The following PVT1 variants were observed in gnomAD, a reference collection of about 807,000 sequenced individuals.
PVT1 encodes Pvt1 oncogene, also known as CXCR4/PVT1 fusion.
chr8:128,016,626 A>G (rs919262372), intron 4 of PVT1, among the ~76,000 whole-genome samples: 47 of 152,176 alleles, frequency 3.1e-4, no homozygotes, highest in Non-Finnish European at 1.2e-4. Flanking sequence ...TTTTGTTTTC[A>G]CTACAAAGGA....
intron 3 of PVT1, among the ~76,000 whole-genome samples, chr8:127,954,529 G>A (rs1405669936): frequency 6.6e-6 from 1 of 152,106 alleles, no homozygotes; most frequent in Non-Finnish European, 1.5e-5. Context: ...TCTTGACCTT[G>A]TGATCCACCC....
chr8:127,813,566 C>T (rs1250230916), intron 2 of PVT1, among the ~76,000 whole-genome samples: 3 of 152,104 alleles, frequency 2.0e-5, no homozygotes, highest in Admixed American at 1.3e-4. Flanking sequence ...TTGTCTCCTC[C>T]CACTCTAATA....
chr8:127,957,873 G>A (rs1000401625), intron 3 of PVT1, among the ~76,000 whole-genome samples: 1 of 152,254 alleles, frequency 6.6e-6, no homozygotes, highest in South Asian at 2.1e-4. Context: ...CAGCTTCCCT[G>A]CCGTGCCTCG....
intron 3 of PVT1, among the ~76,000 whole-genome samples, chr8:127,933,025 T>TTA (rs1816228837): frequency 6.6e-6 from 1 of 152,336 alleles, no homozygotes; most frequent in South Asian, 2.1e-4. Context: ...AAAGGGCATA[T>TTA]TATTGCCCTT....
chr8:127,875,836 G>T (rs992441567), intron 2 of PVT1, among the ~76,000 whole-genome samples: 3 of 152,250 alleles, frequency 2.0e-5, no homozygotes, highest in African/African-American at 7.2e-5. Flanking sequence ...ATGGAGCTCA[G>T]TAAGGGCAGG....
intron 3 of PVT1, among the ~76,000 whole-genome samples, chr8:127,942,464 A>G (rs1010828233): frequency 6.6e-6 from 1 of 152,248 alleles, no homozygotes; most frequent in African/African-American, 2.4e-5. Flanking sequence ...TTACATCTTC[A>G]TGCATTGAAA....
At chr8:128,000,570 G>T (rs1370799425) in intron 4 of PVT1, among the ~76,000 whole-genome samples, 1 of 152,232 alleles carries the variant, frequency 6.6e-6, no homozygotes, top group Non-Finnish European at 1.5e-5. Flanking sequence ...AAGTCTGCAG[G>T]CCCAGAATGG....
intron 3 of PVT1, among the ~76,000 whole-genome samples, chr8:127,905,138 A>G (rs771539902): frequency 1.3e-5 from 2 of 152,194 alleles, no homozygotes; most frequent in Non-Finnish European, 2.9e-5. Context: ...AAAATACACA[A>G]ATGCTCAGAT....
At chr8:127,828,867 T>C (rs1563615972) in intron 2 of PVT1, among the ~76,000 whole-genome samples, 1 of 152,184 alleles carries the variant, frequency 6.6e-6, no homozygotes, top group East Asian at 1.9e-4. Flanking sequence ...CCAAGTTCTG[T>C]GCCTCCACCA....
intron 5 of PVT1, among the ~76,000 whole-genome samples, chr8:128,095,327 C>G (rs1050291046): frequency 6.6e-6 from 1 of 152,148 alleles, no homozygotes; most frequent in African/African-American, 2.4e-5. Flanking sequence ...TTCTCCACCA[C>G]GTAAGCTTGA....
intron 4 of PVT1, among the ~76,000 whole-genome samples, chr8:128,011,297 T>C (rs1817312420): frequency 6.6e-6 from 1 of 152,204 alleles, no homozygotes; most frequent in African/African-American, 2.4e-5. Context: ...ACTGTTTTCC[T>C]TCTTCCAAAC....
At chr8:127,998,871 C>CTG (rs1338419325) in intron 4 of PVT1, among the ~76,000 whole-genome samples, 1 of 149,780 alleles carries the variant, frequency 6.7e-6, no homozygotes, top group African/African-American at 2.5e-5. Context: ...CTCTCTCTCT[C>CTG]TCTCTTTTTT....
chr8:128,058,446 A>G (rs1386761579), intron 4 of PVT1, among the ~76,000 whole-genome samples: 1 of 151,908 alleles, frequency 6.6e-6, no homozygotes, highest in Non-Finnish European at 1.5e-5. Context: ...TAGTTTGTAA[A>G]TAGCTCTTCT....
At chr8:128,010,498 C>T (rs1045818217) in intron 4 of PVT1, 1 of 152,170 alleles carries the variant, frequency 6.6e-6, no homozygotes, top group African/African-American at 2.4e-5. Context: ...CTTTTCCGCA[C>T]AAGAACAAGG....
At chr8:127,994,335 T>C (rs1377616078) in intron 4 of PVT1, among the ~76,000 whole-genome samples, 2 of 152,184 alleles carry the variant, frequency 1.3e-5, no homozygotes, top group Non-Finnish European at 2.9e-5. Context: ...TGGGTCTCAC[T>C]GAACCCACCT....
At chr8:127,991,358 A>T (rs1438176280) in intron 4 of PVT1, among the ~76,000 whole-genome samples, 1 of 151,758 alleles carries the variant, frequency 6.6e-6, no homozygotes, top group Non-Finnish European at 1.5e-5. Context: ...GTTAGCCAGG[A>T]TAGTCTTGAT....
chr8:127,914,987 G>A (rs140919817), intron 3 of PVT1, among the ~76,000 whole-genome samples: 24 of 151,992 alleles, frequency 1.6e-4, no homozygotes, highest in Admixed American at 1.5e-3. Flanking sequence ...CATCACACCC[G>A]GCTAATTTTG....
At chr8:128,013,774 C>G (rs1817341287) in intron 4 of PVT1, among the ~76,000 whole-genome samples, 1 of 152,212 alleles carries the variant, frequency 6.6e-6, no homozygotes, top group South Asian at 2.1e-4. Flanking sequence ...TTACTTATCT[C>G]TCTATCCCTC....
chr8:127,925,040 T>C (rs2095975576), intron 3 of PVT1, among the ~76,000 whole-genome samples: 1 of 152,212 alleles, frequency 6.6e-6, no homozygotes, highest in South Asian at 2.1e-4. Context: ...GAAATCGTTT[T>C]TATTAGCAGT....
Sources: allele counts gnomAD v4.1 joint callset (sites outside exome capture counted in the v4.1 genomes callset), GRCh38; gene constraint gnomAD v4.1.1; transcripts MANE v1.5; gene names NCBI Gene and HGNC (gene_info 2026-07-23, HGNC 2026-07-21).